Variants in FARP1 observed in about 807,000 individuals in gnomAD.
FARP1 encodes FERM, ARHGEF and pleckstrin domain-containing protein 1.
FARP1 carries 52 observed loss-of-function variants against 128.8 expected under a neutral mutation model. The ratio of observed to expected loss-of-function variants is 0.40; its 90% confidence interval spans 0.32 to 0.51. The LOEUF is 0.51. FARP1 is among the 20% of genes least tolerant of loss of function. The pLI is 0.45. For missense variants in FARP1, 1,333 were observed against 1,367.9 expected, an observed-to-expected ratio of 0.97 and a Z score of 0.40; for synonymous variants, 580 against 551.8, an observed-to-expected ratio of 1.05 and a Z score of -0.72.
intron 2 of FARP1, among the ~76,000 whole-genome samples, chr13:98,286,501 G>T (rs1885175166): frequency 6.6e-6 from 1 of 152,138 alleles, no homozygotes; most frequent in South Asian, 2.1e-4. Flanking sequence ...TTTATAAGGG[G>T]GTTCTGCTTT....
rs1487555848 is a variant in FARP1, at chr13:98,285,908, C to T, written c.172-57854C>T. Among the ~76,000 whole-genome samples, 7 of 152,248 alleles carry T rather than the reference C, an allele frequency of 4.6e-5. No homozygotes were observed. The East Asian group carries it at 1.4e-3, about 29-fold the overall frequency. On this transcript the variant is annotated intron_variant, in intron 2 of 26. Coordinates refer to ENST00000319562, the MANE Select transcript of FARP1 (RefSeq NM_005766.4). ...GCTACTGTCTTCTCACCCACTGTTC[C>T]ACGGCCCCTTCCTGGCCCGTTTGGG...
At chr13:98,173,002 A>T (rs538099148) in intron 1 of FARP1, among the ~76,000 whole-genome samples, 5 of 152,320 alleles carry the variant, frequency 3.3e-5, no homozygotes, top group African/African-American at 1.2e-4. Flanking sequence ...GCAGTAGATA[A>T]GTGGGGAAAT....
chr13:98,396,301 A>G (rs1207108119), intron 13 of FARP1: 3 of 399,138 alleles, frequency 7.5e-6, no homozygotes, highest in African/African-American at 4.1e-5. Flanking sequence ...CGAGGGCTCC[A>G]CCAGCAGTGG....
In FARP1 at chr13:98,453,327, G is replaced by C; in HGVS notation, c.*5010G>C. On this transcript the variant is annotated 3_prime_UTR_variant, in exon 27 of 27. Transcript: ENST00000319562. Reference sequence around the variant, plus strand: ...GAAATTCCAAGTCATACAAAAATAAGTGGAGCAAATATCAATGTGTAAGTC... The same window carrying C: ...GAAATTCCAAGTCATACAAAAATAACTGGAGCAAATATCAATGTGTAAGTC... The C allele has an allele frequency of 9.7e-7, 1 of 1,032,518 alleles. No homozygotes were observed. Among genetic ancestry groups the C allele is most frequent in the Non-Finnish European group, 1.4e-6 (1 of 691,630 alleles). 64.0% of individuals were successfully genotyped at this position (1,032,518 alleles called of 1,614,324 possible).
chr13:98,348,749 T>G (rs545896463), intron 3 of FARP1, among the ~76,000 whole-genome samples: 1 of 152,394 alleles, frequency 6.6e-6, no homozygotes, highest in East Asian at 1.9e-4. Context: ...TTTTGATTTT[T>G]TTTTTAACCA....
chr13:98,422,478 A>G (rs1263572796), intron 16 of FARP1, among the ~76,000 whole-genome samples: 3 of 152,196 alleles, frequency 2.0e-5, no homozygotes, highest in Admixed American at 6.5e-5. Context: ...GCAGCAACGA[A>G]GACCCAGGAA....
At chr13:98,231,791 T>C (rs1708445179) in intron 2 of FARP1, among the ~76,000 whole-genome samples, 3 of 152,216 alleles carry the variant, frequency 2.0e-5, no homozygotes, top group Admixed American at 6.5e-5. Flanking sequence ...TCATAGAGAA[T>C]AAAATATCCT....
At chr13:98,308,031 CTCTTTTTTTTTTTTTT>C (rs1264280937) in intron 2 of FARP1, among the ~76,000 whole-genome samples, 128 of 10,524 alleles carry the variant, frequency 0.012, 16 homozygotes, top group African/African-American at 0.017. Flanking sequence ...CCCACTCTCT[CTCTTTTTTTTTTTTTT>C]TTTTTTTTTT....
chr13:98,357,340 C>T (rs1401140814), intron 3 of FARP1, among the ~76,000 whole-genome samples: 1 of 151,836 alleles, frequency 6.6e-6, no homozygotes, highest in Non-Finnish European at 1.5e-5. Context: ...GTTATCCTTC[C>T]TTTTGCTTAT....
chr13:98,148,334 C>T (rs144376682), intron 1 of FARP1, among the ~76,000 whole-genome samples: 172 of 152,262 alleles, frequency 1.1e-3, no homozygotes, highest in Non-Finnish European at 1.7e-3. Context: ...GCTGAGATTA[C>T]GCCATTGTAC....
At position 98,209,871 on chromosome 13, in the gene FARP1, A is replaced by C. The variant is rs1594273490; in HGVS notation, c.-23-3349A>C. On this transcript the variant is annotated intron_variant, in intron 1 of 26. Coordinates refer to ENST00000319562, the MANE Select transcript of FARP1 (RefSeq NM_005766.4). The stretch of plus-strand genomic sequence containing the variant: ...GTGGTGCACGCCTGTAATCCCAGCT[A>C]CCCGGGAGGCTGAGGCAGGAGAATT... 3.5e-5 allele frequency among the ~76,000 whole-genome samples: 5 copies of C among 142,460 alleles called. 1 individual carries two copies. Among genetic ancestry groups the C allele is most frequent in the African/African-American group, 1.3e-4 (5 of 39,192 alleles). 93.5% of individuals were successfully genotyped at this position (142,460 alleles called of 152,430 possible).
intron 1 of FARP1, among the ~76,000 whole-genome samples, chr13:98,179,891 G>C (rs932327380): frequency 1.3e-5 from 2 of 149,994 alleles, no homozygotes; most frequent in Non-Finnish European, 3.0e-5. Flanking sequence ...AAAAACTTTT[G>C]ACTTAATTCC....
At chr13:98,432,180 A>G (rs1892058180) in intron 18 of FARP1, 1 of 152,350 alleles carries the variant, frequency 6.6e-6, no homozygotes, top group African/African-American at 2.4e-5. Context: ...TCTAGAACCC[A>G]TGGTCACAAC....
intron 1 of FARP1, among the ~76,000 whole-genome samples, chr13:98,149,346 C>A (rs1005982139): frequency 6.6e-6 from 1 of 152,114 alleles, no homozygotes; most frequent in Non-Finnish European, 1.5e-5. Flanking sequence ...CTATGACTTG[C>A]GTATCCACTC....
chr13:98,334,106 AG>A (rs60756126), intron 2 of FARP1: 41,455 of 151,990 alleles, frequency 0.27, 6,717 homozygotes, highest in African/African-American at 0.45. Flanking sequence ...TTTATGTAAG[AG>A]GAAACTGAGG....
At chr13:98,250,362 CTT>C (rs1883263665) in intron 2 of FARP1, among the ~76,000 whole-genome samples, 1 of 152,020 alleles carries the variant, frequency 6.6e-6, no homozygotes, top group African/African-American at 2.4e-5. Flanking sequence ...TCTGTCAAAA[CTT>C]TAAATTGTGA....
chr13:98,268,238 G>T (rs1884220860), intron 2 of FARP1, among the ~76,000 whole-genome samples: 2 of 152,178 alleles, frequency 1.3e-5, no homozygotes. Flanking sequence ...GGGGGCTCTT[G>T]TGCCACAGCA....
At chr13:98,184,262 C>T (rs1372705880) in intron 1 of FARP1, among the ~76,000 whole-genome samples, 1 of 151,884 alleles carries the variant, frequency 6.6e-6, no homozygotes, top group Non-Finnish European at 1.5e-5. Flanking sequence ...GGATTGTAGG[C>T]GCCTGCCACC....
At chr13:98,418,495 G>A (rs1193836173) in intron 16 of FARP1, among the ~76,000 whole-genome samples, 2 of 152,190 alleles carry the variant, frequency 1.3e-5, no homozygotes, top group Admixed American at 1.3e-4. Flanking sequence ...GGCTGGTCTT[G>A]AACTCCTGAC....
Sources: gnomAD v4.1 joint callset for allele counts (sites outside exome capture counted in the v4.1 genomes callset) on GRCh38, gnomAD v4.1.1 for gene constraint, MANE v1.5 for transcripts, NCBI Gene and HGNC (gene_info 2026-07-23, HGNC 2026-07-21) for gene names.